Variants in SSBP4 observed in about 807,000 individuals in gnomAD.
The protein encoded by SSBP4 is single-stranded DNA-binding protein 4.
SSBP4 carries 33 observed loss-of-function variants against 64.6 expected under a neutral mutation model. The observed-to-expected ratio is 0.51, with a 90% confidence interval of 0.39 to 0.68. SSBP4 has a LOEUF of 0.68. SSBP4 is among the 30% of genes least tolerant of loss of function. SSBP4 has a pLI of 0.00. For missense variants in SSBP4, 583 were observed against 566.8 expected (o/e 1.03, Z -0.29); for synonymous variants, 243 against 224.0 (o/e 1.08, Z -0.76).
At chr19:18,419,171 C>G (rs1972246466), upstream of SSBP4, 3 of 985,498 alleles carry the variant, frequency 3.0e-6, no homozygotes. Flanking sequence ...TGTGTGTGCA[C>G]GCGCGCGTGT....
chr19:18,417,552 G>A (rs79557920), upstream of SSBP4, among the ~76,000 whole-genome samples: 19,484 of 152,168 alleles, frequency 0.13, 1,297 homozygotes, highest in South Asian at 0.18. This position sits in a 1 kb window ranked among gnomAD's most constrained non-coding sequence, Gnocchi z 5.4. Context: ...GGTGGGAGCG[G>A]TCATTAGGAT....
Position 18,434,214 on chromosome 19 carries a change from C to T in SSBP4, c.1129-3C>T. On this transcript the variant is annotated splice_region_variant and splice_polypyrimidine_tract_variant and intron_variant, in intron 17 of 17. Transcript: ENST00000270061. ...TGCGCGCTGCCCCCTCCTCTCTCCG[C>T]AGTACTCGCCAGGGATGACCATGAG... is the stretch of plus-strand genomic sequence containing the variant. 1 of 1,611,868 alleles carries T rather than the reference C, an allele frequency of 6.2e-7. No individual in the cohort carries two copies. The highest frequency in any genetic ancestry group is 8.5e-7 in the Non-Finnish European group (1 of 1,179,552).
At chr19:18,416,873 G>C (rs1217574275), upstream of SSBP4, among the ~76,000 whole-genome samples, 2 of 152,216 alleles carry the variant, frequency 1.3e-5, no homozygotes, top group East Asian at 1.9e-4. Context: ...GTGCGCCCTG[G>C]TTGGGAGTGC....
chr19:18,422,739 G>A (rs1040063082), intron 1 of SSBP4, among the ~76,000 whole-genome samples: 6 of 152,242 alleles, frequency 3.9e-5, no homozygotes, highest in South Asian at 2.1e-4. Context: ...CGGCTCTCAG[G>A]AAGTATCTGC....
At chr19:18,428,006 A>C (rs763304391) in intron 4 of SSBP4, 24 bp downstream of exon 4, 1 of 1,293,694 alleles carries the variant, frequency 7.7e-7, no homozygotes, top group Admixed American at 2.1e-5. Flanking sequence ...CCAGGGACTC[A>C]GGGGCTCCAG....
chr19:18,415,690 G>C (rs1972126383), upstream of SSBP4, among the ~76,000 whole-genome samples: 2 of 152,172 alleles, frequency 1.3e-5, no homozygotes, highest in South Asian at 4.1e-4. Context: ...GGCCAGGCCA[G>C]AAGCCAGAGA....
intron 17 of SSBP4, 36 bp downstream of exon 17, chr19:18,433,853 G>C: frequency 8.1e-7 from 1 of 1,232,966 alleles, no homozygotes; most frequent in South Asian, 1.7e-5. Context: ...CCGCGGCGGC[G>C]TCGGGCCGGA....
Position 18,431,365 on chromosome 19 carries a change from TC to T in SSBP4, c.385del (p.Gln129SerfsTer11). On this transcript the variant is annotated frameshift_variant, in exon 6 of 18. Coordinates refer to ENST00000270061, the MANE Select transcript of SSBP4 (RefSeq NM_032627.5). LOFTEE classifies it high-confidence loss of function. Reference sequence around the variant, plus strand: ...TCTGTCCTCCTAGGGCCCCCCCGGCTCCCAGCCGTCCCCCCACAACCCCAAC... The same window carrying T: ...TCTGTCCTCCTAGGGCCCCCCCGGCTCCAGCCGTCCCCCCACAACCCCAAC... ...AAGFFQGPPG[S>X]QPSPHNPNAP... is the part of the protein sequence containing the mutation. 1.3e-6 allele frequency: 1 copy of T among 773,532 alleles called. No homozygotes were observed. The highest frequency in any genetic ancestry group is 1.8e-6 in the Non-Finnish European group (1 of 569,594). The allele number at this position is 773,532 out of a possible 1,614,324, so 47.9% of individuals were successfully genotyped here. A position where few individuals can be genotyped will look rare whatever the true frequency, so the allele number is the denominator to read the frequency against.
chr19:18,428,158 C>A (rs1019559856), intron 4 of SSBP4, among the ~76,000 whole-genome samples, 176 bp downstream of exon 4: 2 of 152,108 alleles, frequency 1.3e-5, no homozygotes. Flanking sequence ...TTTGGGGGGT[C>A]CTTCCACCCT....
Position 18,427,207 on chromosome 19 carries a change from A to G in SSBP4, c.60-144A>G. 1.3e-6 allele frequency: 1 copy of G among 794,642 alleles called. No individual in the cohort carries two copies. Among genetic ancestry groups the G allele is most frequent in the East Asian group, 2.7e-5 (1 of 36,940 alleles). 49.2% of individuals were successfully genotyped at this position (794,642 alleles called of 1,614,324 possible). ...GATGCCTGGGAGGGGCCTGCAGGAC[A>G]TAGATGGATAACTATGAGCTGTCCC... is the stretch of plus-strand genomic sequence containing the variant. On this transcript the variant is annotated intron_variant, in intron 1 of 17. Coordinates refer to ENST00000270061, the MANE Select transcript of SSBP4 (RefSeq NM_032627.5). This position sits in a 1 kb window ranked among gnomAD's most constrained non-coding sequence, Gnocchi z 4.4.
At position 18,427,774 on chromosome 19, in the gene SSBP4, C is replaced by A; in HGVS notation, c.155C>A (p.Thr52Lys). 1 of 1,603,284 alleles carries A rather than the reference C, an allele frequency of 6.2e-7. No homozygotes were observed. Among genetic ancestry groups the A allele is most frequent in the South Asian group, 1.1e-5 (1 of 90,578 alleles). ...LSEIRWEKNI[T>K]LGEPPGFLHS... ...CAGATCCGATGGGAGAAGAACATCA[C>A]GCTGGGGGAGCCCCCTGGGTTCCTG... Residue 52 changes from threonine (T) to lysine (K), a missense_variant, in exon 3 of 18, where the codon ACG becomes AAG. This residue lies in a region of SSBP4 where 43 missense variants were observed against 74.2 expected (regional missense o/e 0.58). Coordinates refer to ENST00000270061, the MANE Select transcript of SSBP4 (RefSeq NM_032627.5). This position sits in a 1 kb window ranked among gnomAD's most constrained non-coding sequence, Gnocchi z 4.4.
intron 17 of SSBP4, 46 bp downstream of exon 17, chr19:18,433,863 AGGGGCTGGCGGGCAGGCCCCGGC>A: frequency 8.4e-7 from 1 of 1,195,858 alleles, no homozygotes; most frequent in Non-Finnish European, 1.0e-6. Context: ...GTCGGGCCGG[AGGGGCTGGCGGGCAGGCCCCGGC>A]GGGGCGGCCG....
At chr19:18,418,686 C>T (rs1417385007), upstream of SSBP4, among the ~76,000 whole-genome samples, 2 of 152,164 alleles carry the variant, frequency 1.3e-5, no homozygotes, top group African/African-American at 4.8e-5. This position sits in a 1 kb window ranked among gnomAD's most constrained non-coding sequence, Gnocchi z 6.7. Flanking sequence ...TCGGGCGGGA[C>T]GCTGAGTGTC....
chr19:18,433,171 G>C lies in SSBP4; in HGVS notation c.949G>C (p.Ala317Pro). ...CCCTGGCCCGGAGGGCCCCATGGCC[G>C]CCATGAGCGCGATGGAGCCTCACCA... Reference protein sequence around the residue: ...LGPGPEGPMAAMSAMEPHHVN... With the variant: ...LGPGPEGPMAPMSAMEPHHVN... The change falls in exon 15 of 18, where the codon GCC (alanine) becomes CCC (proline). Residue 317 changes from alanine to proline, a missense_variant. Ala to Pro is a conservative substitution (Grantham distance 27). Coordinates refer to ENST00000270061, the MANE Select transcript of SSBP4 (RefSeq NM_032627.5). 6.3e-7 allele frequency: 1 copy of C among 1,592,454 alleles called. No homozygotes were observed. Among genetic ancestry groups the C allele is most frequent in the Non-Finnish European group, 8.5e-7 (1 of 1,170,278 alleles).
At chr19:18,434,175 C>T in intron 17 of SSBP4, 42 bp from the exon 18 acceptor site, 1 of 1,608,986 alleles carries the variant, frequency 6.2e-7, no homozygotes, top group Non-Finnish European at 8.5e-7. Flanking sequence ...TCTTCCGGAG[C>T]TGAACTCGGC....
chr19:18,411,373 TA>T, the SSBP4 span, among the ~76,000 whole-genome samples: 1 of 152,122 alleles, frequency 6.6e-6, no homozygotes, highest in African/African-American at 2.4e-5. Flanking sequence ...CACACACCTG[TA>T]ATCCCAGCTA....
the SSBP4 span, among the ~76,000 whole-genome samples, chr19:18,408,435 G>C: frequency 6.6e-6 from 1 of 151,868 alleles, no homozygotes; most frequent in African/African-American, 2.4e-5. Flanking sequence ...AGGGCTTCTG[G>C]GATCACCTCT....
At chr19:18,422,090 G>A (rs1213604581) in intron 1 of SSBP4, among the ~76,000 whole-genome samples, 1 of 152,208 alleles carries the variant, frequency 6.6e-6, no homozygotes, top group Non-Finnish European at 1.5e-5. Flanking sequence ...GAACCTAGGA[G>A]GTAGAGGTTG....
At chr19:18,406,109 C>T in the SSBP4 span, among the ~76,000 whole-genome samples, 1 of 151,260 alleles carries the variant, frequency 6.6e-6, no homozygotes, top group African/African-American at 2.4e-5. Flanking sequence ...CCCAAAGTGT[C>T]GGGATTACAG....
Sources: gnomAD v4.1 joint callset for allele counts (sites outside exome capture counted in the v4.1 genomes callset) on GRCh38, gnomAD v4.1.1 for gene constraint, gnomAD v4.1.1 regional missense constraint, Gnocchi (gnomAD v3.1) non-coding constraint, MANE v1.5 for transcripts, NCBI Gene and HGNC (gene_info 2026-07-23, HGNC 2026-07-21) for gene names.